The following NRG1 variants were observed in gnomAD, a reference collection of about 807,000 sequenced individuals.
The protein encoded by NRG1 is neuregulin 1.
In NRG1, 18 loss-of-function variants were observed where a neutral mutation model predicts 63.8. That is an observed-to-expected ratio of 0.28 (90% confidence interval 0.19 to 0.42). The LOEUF (loss-of-function observed/expected upper bound fraction) is 0.42. NRG1 is among the 10% of genes least tolerant of loss of function. The pLI is 1.00. For missense variants in NRG1, 762 were observed against 814.7 expected, an observed-to-expected ratio of 0.94 and a Z score of 0.79; for synonymous variants, 302 against 301.3, an observed-to-expected ratio of 1.00 and a Z score of -0.02.
chr8:32,566,076 G>A (rs764803166), intron 1 of NRG1, among the ~76,000 whole-genome samples: 38 of 152,150 alleles, frequency 2.5e-4, no homozygotes, highest in Non-Finnish European at 4.3e-4. Context: ...GTGTCTGGCC[G>A]GACACGGTGG....
chr8:32,023,306 C>T (rs1398482533), intron 1 of NRG1, among the ~76,000 whole-genome samples: 1 of 152,072 alleles, frequency 6.6e-6, no homozygotes, highest in East Asian at 1.9e-4. Context: ...CATTGAGTTT[C>T]GAAGTTTTCC....
intron 1 of NRG1, among the ~76,000 whole-genome samples, chr8:31,822,051 T>A (rs1824055851): frequency 6.6e-6 from 1 of 152,238 alleles, no homozygotes; most frequent in South Asian, 2.1e-4. Flanking sequence ...GCATTTTTAT[T>A]TGATTTAAGT....
At chr8:31,718,040 A>G (rs1381707257) in intron 1 of NRG1, among the ~76,000 whole-genome samples, 2 of 152,228 alleles carry the variant, frequency 1.3e-5, no homozygotes, top group Non-Finnish European at 2.9e-5. Context: ...AGAGACATAA[A>G]AATGTCTTGA....
chr8:31,957,098 G>T (rs923425417), intron 1 of NRG1, among the ~76,000 whole-genome samples: 37 of 152,134 alleles, frequency 2.4e-4, no homozygotes, highest in African/African-American at 8.4e-4. Flanking sequence ...TGCCAAATTT[G>T]TCAAATGCCG....
At chr8:32,276,420 A>G (rs932874298) in intron 1 of NRG1, among the ~76,000 whole-genome samples, 9 of 152,150 alleles carry the variant, frequency 5.9e-5, no homozygotes, top group Non-Finnish European at 1.2e-4. Context: ...GTGGATATGT[A>G]CCACATTTTC....
chr8:32,571,785 A>T (rs1376931636), intron 1 of NRG1, among the ~76,000 whole-genome samples: 2 of 152,156 alleles, frequency 1.3e-5, no homozygotes, highest in Non-Finnish European at 2.9e-5. Flanking sequence ...ACAGAAGCAG[A>T]ATTTTCAAAG....
intron 1 of NRG1, among the ~76,000 whole-genome samples, chr8:32,523,780 G>A (rs985864458): frequency 1.3e-5 from 2 of 151,892 alleles, no homozygotes; most frequent in African/African-American, 2.4e-5. Context: ...AACCTAGGAG[G>A]CAGAAGTGAG....
chr8:31,810,030 A>G (rs1822729204), intron 1 of NRG1, among the ~76,000 whole-genome samples: 1 of 151,946 alleles, frequency 6.6e-6, no homozygotes, highest in Non-Finnish European at 1.5e-5. Context: ...ATATCAGGAG[A>G]TGATGGTACC....
chr8:32,496,265 C>T (rs1827185857), intron 1 of NRG1, among the ~76,000 whole-genome samples: 2 of 152,054 alleles, frequency 1.3e-5, no homozygotes, highest in Admixed American at 6.5e-5. Flanking sequence ...GGGTTGACTA[C>T]CAGAGAAAAT....
chr8:32,319,560 T>C (rs913690458), intron 1 of NRG1, among the ~76,000 whole-genome samples: 6 of 152,120 alleles, frequency 3.9e-5, no homozygotes, highest in Non-Finnish European at 7.4e-5. Context: ...AGATAATGCC[T>C]CTGAAATATT....
chr8:31,696,473 C>A (rs928390446), intron 1 of NRG1, among the ~76,000 whole-genome samples: 4 of 152,104 alleles, frequency 2.6e-5, no homozygotes, highest in African/African-American at 7.2e-5. Context: ...AAAACTTTAC[C>A]CGGTGATGAC....
intron 1 of NRG1, among the ~76,000 whole-genome samples, chr8:31,989,282 CA>C (rs921458750): frequency 6.1e-5 from 4 of 65,060 alleles, no homozygotes; most frequent in African/African-American, 1.7e-4. Flanking sequence ...AAGAACAAAA[CA>C]AAAAAAAGCC....
At chr8:32,695,742 A>G (rs1173212276) in intron 5 of NRG1, among the ~76,000 whole-genome samples, 1 of 152,184 alleles carries the variant, frequency 6.6e-6, no homozygotes, top group Non-Finnish European at 1.5e-5. Flanking sequence ...TCTTTTTGCT[A>G]ATGTCATTAA....
intron 5 of NRG1, among the ~76,000 whole-genome samples, chr8:32,649,232 G>C (rs1296340326): frequency 6.9e-6 from 1 of 143,946 alleles, no homozygotes; most frequent in Non-Finnish European, 1.5e-5. Context: ...TTAATAACCT[G>C]TGATGTGCAG....
intron 1 of NRG1, among the ~76,000 whole-genome samples, chr8:31,988,763 T>A (rs1348109558): frequency 6.6e-6 from 1 of 151,960 alleles, no homozygotes; most frequent in Non-Finnish European, 1.5e-5. Flanking sequence ...AGTGGAGAAA[T>A]AATAAACACA....
At chr8:32,736,209 A>C (rs1373929389) in intron 6 of NRG1, among the ~76,000 whole-genome samples, 1 of 152,260 alleles carries the variant, frequency 6.6e-6, no homozygotes, top group African/African-American at 2.4e-5. Context: ...AAGCATATGC[A>C]AACCTCAAGA....
intron 1 of NRG1, among the ~76,000 whole-genome samples, chr8:31,958,051 A>ATAGATAGATAGATAGG (rs1465349341): frequency 9.9e-5 from 15 of 151,044 alleles, no homozygotes; most frequent in African/African-American, 3.7e-4. Context: ...GACCAGATAG[A>ATAGATAGATAGATAGG]TAGATAGATA....
chr8:32,768,511 G>A (rs1224803038), downstream of NRG1, among the ~76,000 whole-genome samples: 2 of 152,048 alleles, frequency 1.3e-5, no homozygotes, highest in East Asian at 1.9e-4. Flanking sequence ...AAGAGGAGAA[G>A]GCCAAGTTAG....
intron 1 of NRG1, among the ~76,000 whole-genome samples, chr8:31,947,902 G>A (rs1272229051): frequency 1.6e-5 from 2 of 124,840 alleles, no homozygotes; most frequent in African/African-American, 3.2e-5. Context: ...CCAAGATCAT[G>A]CCACTGCGCT....
Sources: allele counts gnomAD v4.1 joint callset (sites outside exome capture counted in the v4.1 genomes callset), GRCh38; gene constraint gnomAD v4.1.1; transcripts MANE v1.5; gene names NCBI Gene and HGNC (gene_info 2026-07-23, HGNC 2026-07-21).